The following ZNF718 variants were observed in gnomAD, a reference collection of about 807,000 sequenced individuals.
The protein encoded by ZNF718 is zinc finger protein 718.
A neutral mutation model predicts 2.6 loss-of-function variants in ZNF718; 3 were observed. The ratio of observed to expected loss-of-function variants is 1.16; its 90% CI spans 0.53 to 3.01. The LOEUF (loss-of-function observed/expected upper bound fraction) is 3.01, where lower values mean the gene tolerates loss of function less well. Ranked by LOEUF, ZNF718 falls within the 30% of genes most tolerant of loss-of-function variation. ZNF718 has a pLI of 0.03. For missense variants in ZNF718, 468 were observed against 230.0 expected (o/e 2.03, Z -6.69); for synonymous variants, 135 against 77.9 (o/e 1.73, Z -3.86).
intron 3 of ZNF718, among the ~76,000 whole-genome samples, chr4:174,029 C>A (rs1553818658): frequency 6.6e-6 from 1 of 152,118 alleles, no homozygotes; most frequent in East Asian, 1.9e-4. Context: ...CATGAATGAT[C>A]AAAGGTCAGT....
chr4:144,694 A>G (rs1299067148), intron 3 of ZNF718, among the ~76,000 whole-genome samples: 1 of 151,960 alleles, frequency 6.6e-6, no homozygotes, highest in Non-Finnish European at 1.5e-5. Context: ...TCGATGTTTT[A>G]TAGTATTCAT....
At chr4:196,972 G>A in intron 3 of ZNF718, among the ~76,000 whole-genome samples, 1 of 150,120 alleles carries the variant, frequency 6.7e-6, no homozygotes, top group Non-Finnish European at 1.5e-5. Flanking sequence ...GTTATGGGCG[G>A]GTCTTTGTTC....
intron 3 of ZNF718, among the ~76,000 whole-genome samples, chr4:147,849 C>CA (rs1159989438): frequency 1.3e-5 from 2 of 152,060 alleles, no homozygotes; most frequent in Middle Eastern, 3.2e-3. Flanking sequence ...GCCTGGGCGA[C>CA]AGAGCGAGAT....
chr4:198,040 T>A (rs1413089201), intron 3 of ZNF718, among the ~76,000 whole-genome samples: 3 of 152,144 alleles, frequency 2.0e-5, no homozygotes, highest in African/African-American at 7.2e-5. Flanking sequence ...CCAACCCTCC[T>A]ATCCCCACAC....
At chr4:147,846 C>A (rs546350576) in intron 3 of ZNF718, among the ~76,000 whole-genome samples, 1 of 152,166 alleles carries the variant, frequency 6.6e-6, no homozygotes, top group East Asian at 1.9e-4. Context: ...CCAGCCTGGG[C>A]GACAGAGCGA....
At chr4:137,904 T>C (rs1278479108) in intron 3 of ZNF718, among the ~76,000 whole-genome samples, 1 of 152,232 alleles carries the variant, frequency 6.6e-6, no homozygotes, top group Non-Finnish European at 1.5e-5. Flanking sequence ...GTCATAATCT[T>C]TCTTCCTGTA....
intron 1 of ZNF718, chr4:125,057 A>C (rs1321730883): frequency 1.1e-5 from 2 of 176,160 alleles, no homozygotes; most frequent in Non-Finnish European, 2.4e-5. Context: ...AGCAAACAGG[A>C]CTTATTAATG....
At chr4:190,227 G>A (rs564363808) in intron 3 of ZNF718, among the ~76,000 whole-genome samples, 12 of 152,068 alleles carry the variant, frequency 7.9e-5, no homozygotes, top group East Asian at 1.9e-4. Flanking sequence ...TCAGGAGACC[G>A]AGACCATCCT....
intron 3 of ZNF718, among the ~76,000 whole-genome samples, chr4:157,046 T>C (rs1198257481): frequency 2.6e-5 from 4 of 151,952 alleles, no homozygotes; most frequent in Non-Finnish European, 4.4e-5. Flanking sequence ...AATCAGGAGC[T>C]GTGATGCCTC....
rs1716992581 is a variant in ZNF718 at position 163,432 on chromosome 4, C to A, written c.*1310C>A. On this transcript the variant is annotated 3_prime_UTR_variant, in exon 4 of 4. Transcript: ENST00000510175. ...CTCGATCTCCTGACCTCGTGATCCG[C>A]CCGCCTCGGCCTCCCAAAGTGCTGG... The A allele has an allele frequency of 6.6e-6, 1 of 152,164 alleles. No homozygotes were observed. The highest frequency in any genetic ancestry group is 2.4e-5 in the African/African-American group (1 of 41,430). The allele number at this position is 152,164 out of a possible 1,614,324, so 9.4% of individuals were successfully genotyped here. A position where few individuals can be genotyped will look rare whatever the true frequency, so the allele number is the denominator to read the frequency against.
At chr4:140,962 G>A (rs182341652) in intron 3 of ZNF718, among the ~76,000 whole-genome samples, 2 of 152,272 alleles carry the variant, frequency 1.3e-5, no homozygotes, top group Admixed American at 1.3e-4. Flanking sequence ...GTTTGTCTTT[G>A]CTAAATATTT....
In ZNF718 at chr4:143,230, C is replaced by T. The variant is rs1581435657; in HGVS notation, c.226+11725C>T. ...GTTTTGTTTGAGACGGAGTCTCTGTCACCCAGACTGGAGTGCAGTGGTGTA... is the reference window on the plus strand; with the variant it reads ...GTTTTGTTTGAGACGGAGTCTCTGTTACCCAGACTGGAGTGCAGTGGTGTA... On this transcript the variant is annotated intron_variant, in intron 3 of 3. Transcript: ENST00000510175. Among the ~76,000 whole-genome samples the T allele has an allele frequency of 2.0e-5, 3 of 152,180 alleles. No homozygotes were observed. In the East Asian group the frequency reaches 5.8e-4, roughly 29 times the overall value.
chr4:190,155 G>T (rs1383213494), intron 3 of ZNF718, among the ~76,000 whole-genome samples: 4 of 152,104 alleles, frequency 2.6e-5, no homozygotes, highest in African/African-American at 9.7e-5. Context: ...TCTAGGCCGG[G>T]TGCGGTGGCT....
At position 161,509 on chromosome 4, in the gene ZNF718, G is replaced by C; in HGVS notation, c.824G>C (p.Arg275Thr). 1.3e-6 allele frequency: 1 copy of C among 780,748 alleles called. No homozygotes were observed. Among genetic ancestry groups the C allele is most frequent in the Non-Finnish European group, 2.4e-6 (1 of 417,930 alleles). The allele number at this position is 780,748 out of a possible 1,614,324, so 48.4% of individuals were successfully genotyped here. Residue 275 changes from arginine (R) to threonine (T), a missense_variant, in exon 4 of 4, where the codon AGA becomes ACA. Arg to Thr is a moderately conservative substitution (Grantham distance 71). Transcript: ENST00000510175. ...TCCTCAACCCTTAATTTACATAAGA[G>C]AATTCATTCTGCACAAAAATACTAC... ...NQSSTLNLHK[R>T]IHSAQKYYKC... is the part of the protein sequence containing the mutation.
chr4:144,900 T>G (rs1209901644), intron 3 of ZNF718, among the ~76,000 whole-genome samples: 1 of 152,058 alleles, frequency 6.6e-6, no homozygotes, highest in African/African-American at 2.4e-5. Flanking sequence ...GTAGGTTTTT[T>G]CAAATATAAG....
chr4:144,144 C>T (rs1324615304), intron 3 of ZNF718, among the ~76,000 whole-genome samples: 2 of 152,184 alleles, frequency 1.3e-5, no homozygotes, highest in African/African-American at 4.8e-5. Flanking sequence ...TTTAAGCTCC[C>T]AAAAATTCTG....
chr4:180,911 G>C (rs1717450409), intron 3 of ZNF718, among the ~76,000 whole-genome samples: 1 of 151,944 alleles, frequency 6.6e-6, no homozygotes, highest in African/African-American at 2.4e-5. Flanking sequence ...TTTATTCCTA[G>C]ACCCAAATCA....
chr4:176,040 C>A (rs1717339883), intron 3 of ZNF718, among the ~76,000 whole-genome samples: 1 of 151,936 alleles, frequency 6.6e-6, no homozygotes, highest in Non-Finnish European at 1.5e-5. Flanking sequence ...CCCTAATCTA[C>A]TTGCCTTGGA....
intron 3 of ZNF718, among the ~76,000 whole-genome samples, chr4:144,723 C>G (rs1403925940): frequency 6.6e-6 from 1 of 151,946 alleles, no homozygotes; most frequent in Non-Finnish European, 1.5e-5. Context: ...TCTTTCACTT[C>G]TTTGGTTAAG....
Sources: allele counts gnomAD v4.1 joint callset (sites outside exome capture counted in the v4.1 genomes callset), GRCh38; gene constraint gnomAD v4.1.1; transcripts MANE v1.5; gene names NCBI Gene and HGNC (gene_info 2026-07-23, HGNC 2026-07-21).